The following LHCGR variants were observed in gnomAD, a reference collection of about 807,000 sequenced individuals.
LHCGR encodes the protein luteinizing hormone/choriogonadotropin receptor.
A neutral mutation model predicts 60.7 loss-of-function variants in LHCGR; 55 were observed. The observed-to-expected ratio is 0.91, with a 90% CI of 0.73 to 1.13. The LOEUF (loss-of-function observed/expected upper bound fraction) is 1.13, where lower values mean the gene tolerates loss of function less well. LHCGR is among the 50% of genes most tolerant of loss of function. The pLI is 0.00. For missense variants in LHCGR, 862 were observed against 836.0 expected, an observed-to-expected ratio of 1.03 and a Z score of -0.38; for synonymous variants, 337 against 316.5, an observed-to-expected ratio of 1.06 and a Z score of -0.69.
chr2:48,738,677 C>T (rs914815300), intron 1 of LHCGR, among the ~76,000 whole-genome samples: 5 of 152,178 alleles, frequency 3.3e-5, no homozygotes, highest in African/African-American at 1.2e-4. Flanking sequence ...TATGTGGCCA[C>T]TGGGCAGTTG....
At chr2:48,694,334 T>A in intron 9 of LHCGR, 30 bp from the exon 10 acceptor site, 2 of 1,435,510 alleles carry the variant, frequency 1.4e-6, no homozygotes, top group Non-Finnish European at 9.7e-7. Context: ...AAAAAGCATT[T>A]GAGCTTTTGG....
At chr2:48,705,033 A>G (rs1392028476) in intron 8 of LHCGR, among the ~76,000 whole-genome samples, 2 of 152,220 alleles carry the variant, frequency 1.3e-5, no homozygotes, top group East Asian at 1.9e-4. Context: ...ATTTAGTGCT[A>G]TAAATTTCCC....
chr2:48,742,994 A>G (rs1248245541), intron 1 of LHCGR, among the ~76,000 whole-genome samples: 1 of 152,228 alleles, frequency 6.6e-6, no homozygotes, highest in Non-Finnish European at 1.5e-5. Flanking sequence ...GATGCAATAA[A>G]AAATGATAAA....
At chr2:48,729,986 A>G (rs985570686) in intron 2 of LHCGR, among the ~76,000 whole-genome samples, 1 of 152,234 alleles carries the variant, frequency 6.6e-6, no homozygotes, top group Non-Finnish European at 1.5e-5. Context: ...GTTTTGTCAT[A>G]TATGATTCGC....
intron 1 of LHCGR, 104 bp downstream of exon 1, chr2:48,755,407 A>C (rs1275747770): frequency 1.3e-6 from 1 of 759,408 alleles, no homozygotes; most frequent in African/African-American, 1.8e-5. Context: ...GTTTTTCTCC[A>C]AGCTTCCAGG....
intron 9 of LHCGR, 117 bp from the exon 10 acceptor site, chr2:48,694,421 G>T (rs971265918): frequency 1.4e-5 from 10 of 700,564 alleles, no homozygotes; most frequent in Non-Finnish European, 2.3e-5. Flanking sequence ...CCAGCATCTC[G>T]TTCTGCACCA....
At chr2:48,692,224 C>T (rs568545501) in intron 10 of LHCGR, among the ~76,000 whole-genome samples, 4 of 152,204 alleles carry the variant, frequency 2.6e-5, no homozygotes, top group Non-Finnish European at 4.4e-5. Flanking sequence ...TAGATGAAAA[C>T]AGTCCAGCTA....
Position 48,686,932 on chromosome 2 carries a change from A to C in LHCGR, c.*765T>G, listed in dbSNP as rs1328497942. 3 of 152,222 alleles carry C rather than the reference A, an allele frequency of 2.0e-5. No homozygotes were observed. Among genetic ancestry groups the C allele is most frequent in the Non-Finnish European group, 2.9e-5 (2 of 68,024 alleles). 9.4% of individuals were successfully genotyped at this position (152,222 alleles called of 1,614,324 possible). ...ATCTTGAGGTAGGAAGCAGGAAAAC[A>C]AAATGCACTGAGACAGGGTTCCTAC... is the stretch of plus-strand genomic sequence containing the variant. On this transcript the variant is annotated 3_prime_UTR_variant, in exon 11 of 11. Transcript: ENST00000294954.
At position 48,701,162 on chromosome 2, in the gene LHCGR, T is replaced by C. The variant is rs1667389598; in HGVS notation, c.681-2362A>G. Among the ~76,000 whole-genome samples, 2 of 152,106 alleles carry C rather than the reference T, an allele frequency of 1.3e-5. 1 individual carries two copies. Among genetic ancestry groups the C allele is most frequent in the South Asian group, 4.1e-4 (2 of 4,826 alleles). ...CAGGAGCTAGGAAGTAGACAGACTT[T>C]GGGTTTTATAATGGTGGAAACAGAA... On this transcript the variant is annotated intron_variant, in intron 8 of 10. Coordinates refer to ENST00000294954, the MANE Select transcript of LHCGR (RefSeq NM_000233.4).
intron 1 of LHCGR, among the ~76,000 whole-genome samples, chr2:48,738,513 C>T (rs958014515): frequency 1.3e-5 from 2 of 152,218 alleles, no homozygotes; most frequent in South Asian, 2.1e-4. Context: ...TCATGTCAAG[C>T]AGCTTCTTTG....
At chr2:48,734,000 T>C (rs1409730371) in intron 1 of LHCGR, among the ~76,000 whole-genome samples, 1 of 152,208 alleles carries the variant, frequency 6.6e-6, no homozygotes, top group Non-Finnish European at 1.5e-5. Flanking sequence ...AACCCTGCAA[T>C]TCCACTCCTG....
At chr2:48,732,245 G>A (rs977433491) in intron 1 of LHCGR, among the ~76,000 whole-genome samples, 1 of 152,210 alleles carries the variant, frequency 6.6e-6, no homozygotes, top group African/African-American at 2.4e-5. Flanking sequence ...CCCAAGGACT[G>A]GCAGAGAGGA....
intron 1 of LHCGR, among the ~76,000 whole-genome samples, chr2:48,739,161 A>G (rs1271844477): frequency 6.6e-6 from 1 of 152,218 alleles, no homozygotes; most frequent in Non-Finnish European, 1.5e-5. Flanking sequence ...GTCAGGAAAC[A>G]ACAGATGCTG....
chr2:48,742,787 A>G (rs1172645333), intron 1 of LHCGR, among the ~76,000 whole-genome samples: 6 of 152,128 alleles, frequency 3.9e-5, no homozygotes, highest in Non-Finnish European at 8.8e-5. Flanking sequence ...AAAGAACTAG[A>G]AAAGCAAGAG....
intron 1 of LHCGR, among the ~76,000 whole-genome samples, chr2:48,740,772 A>G (rs1044762858): frequency 6.6e-6 from 1 of 152,214 alleles, no homozygotes; most frequent in Non-Finnish European, 1.5e-5. Flanking sequence ...GGAAACTCAA[A>G]AAAGCAGAGT....
At chr2:48,702,538 T>C (rs1452160033) in intron 8 of LHCGR, among the ~76,000 whole-genome samples, 1 of 152,168 alleles carries the variant, frequency 6.6e-6, no homozygotes, top group East Asian at 1.9e-4. Flanking sequence ...TTGTGATAGT[T>C]TGTTGAGAAT....
chr2:48,754,425 G>T (rs545733980), intron 1 of LHCGR, among the ~76,000 whole-genome samples: 1 of 152,034 alleles, frequency 6.6e-6, no homozygotes, highest in African/African-American at 2.4e-5. Flanking sequence ...CAGCCTTTTA[G>T]ATACTCTTGT....
intron 9 of LHCGR, among the ~76,000 whole-genome samples, chr2:48,696,801 T>C (rs751162842): frequency 3.4e-5 from 5 of 146,968 alleles, no homozygotes; most frequent in Non-Finnish European, 6.0e-5. Flanking sequence ...CCTACTGGAA[T>C]AAAAATCCCT....
rs779432372 is a variant in LHCGR, at chr2:48,688,744, A to T, written c.1053T>A (p.Asn351Lys). 1 of 1,614,140 alleles carries T rather than the reference A, an allele frequency of 6.2e-7. No homozygotes were observed. The highest frequency in any genetic ancestry group is 1.3e-5 in the African/African-American group (1 of 75,042). Residue 351 changes from asparagine (N) to lysine (K), a missense_variant, in exon 11 of 11, where the codon AAT becomes AAA. Asn to Lys is a moderately conservative substitution (Grantham distance 94, BLOSUM62 0). Coordinates refer to ENST00000294954, the MANE Select transcript of LHCGR (RefSeq NM_000233.4). This position sits in a 1 kb window ranked among gnomAD's most constrained non-coding sequence, Gnocchi z 5.2. ...PRCAPEPDAF[N>K]PCEDIMGYDF... is the part of the protein sequence containing the mutation. Reference sequence around the variant, plus strand: ...CATAGCCCATAATATCTTCACAGGGATTAAAAGCATCTGGTTCAGGAGCAC... The same window carrying T: ...CATAGCCCATAATATCTTCACAGGGTTTAAAAGCATCTGGTTCAGGAGCAC...
Sources: gnomAD v4.1 joint callset for allele counts (sites outside exome capture counted in the v4.1 genomes callset) on GRCh38, gnomAD v4.1.1 for gene constraint, Gnocchi (gnomAD v3.1) non-coding constraint, MANE v1.5 for transcripts, NCBI Gene and HGNC (gene_info 2026-07-23, HGNC 2026-07-21) for gene names.